F13B: variants seen among roughly 807,000 people sequenced by gnomAD.
The protein encoded by F13B is TGase.
In F13B, 58 loss-of-function variants were observed where a neutral mutation model predicts 79.8. The observed-to-expected ratio is 0.73, with a 90% CI of 0.59 to 0.90. The LOEUF is 0.90. Ranked by LOEUF, F13B falls within the 40% of genes least tolerant of loss-of-function variation. The pLI is 0.00. For synonymous variants in F13B, 283 were observed against 260.3 expected (o/e 1.09, Z -0.84); for missense variants, 773 against 777.0 (o/e 0.99, Z 0.06).
At chr1:197,064,477 A>G (rs1170505943) in intron 1 of F13B, among the ~76,000 whole-genome samples, 1 of 152,218 alleles carries the variant, frequency 6.6e-6, no homozygotes, top group African/African-American at 2.4e-5. Flanking sequence ...GGTGAATCTC[A>G]TAAACATAAT....
intron 10 of F13B, among the ~76,000 whole-genome samples, chr1:197,050,338 C>A (rs557399800): frequency 6.6e-6 from 1 of 152,100 alleles, no homozygotes; most frequent in East Asian, 1.9e-4. Flanking sequence ...TTGTCCATTT[C>A]TTTATTTCCG....
At chr1:197,062,458 T>C (rs955564862) in intron 2 of F13B, among the ~76,000 whole-genome samples, 1 of 152,122 alleles carries the variant, frequency 6.6e-6, no homozygotes, top group African/African-American at 2.4e-5. Flanking sequence ...GAGAGATGAG[T>C]CTTACAAATG....
intron 10 of F13B, among the ~76,000 whole-genome samples, chr1:197,049,744 C>G: frequency 6.6e-6 from 1 of 151,954 alleles, no homozygotes; most frequent in East Asian, 1.9e-4. Context: ...AGGAAAATAA[C>G]CAACCAGTCT....
At chr1:197,057,495 G>C in intron 5 of F13B, 30 bp from the exon 6 acceptor site, 1 of 1,601,310 alleles carries the variant, frequency 6.2e-7, no homozygotes, top group South Asian at 1.1e-5. Context: ...AGCACCTTTA[G>C]TCATATAATT....
chr1:197,043,150 G>A (rs1655103785), intron 10 of F13B, among the ~76,000 whole-genome samples: 1 of 152,128 alleles, frequency 6.6e-6, no homozygotes, highest in Non-Finnish European at 1.5e-5. Flanking sequence ...AAAAGTTACA[G>A]TGGGCATTTG....
intron 9 of F13B, 129 bp from the exon 10 acceptor site, chr1:197,051,008 T>A (rs1347152620): frequency 1.4e-6 from 1 of 736,890 alleles, no homozygotes; most frequent in African/African-American, 1.7e-5. Context: ...CATGACTCAC[T>A]GCAACCTCTG....
chr1:197,053,093 G>T (rs1655509309), intron 8 of F13B, among the ~76,000 whole-genome samples: 1 of 151,898 alleles, frequency 6.6e-6, no homozygotes, highest in South Asian at 2.1e-4. Context: ...CAATCAGTTA[G>T]ATTAATAATA....
chr1:197,050,784 A>G lies in F13B; in HGVS notation c.1651T>C (p.Tyr551His). 1.2e-6 allele frequency: 2 copies of G among 1,613,446 alleles called. No homozygotes were observed. The highest frequency in any genetic ancestry group is 1.7e-6 in the Non-Finnish European group (2 of 1,179,630). ...AGGAAATGGTGATCAAAACATCTGT[A>G]TTCTACTGAAGAGCCATTTTCATAG... is the stretch of plus-strand genomic sequence containing the variant. ...DTYENGSSVE[Y>H]RCFDHHFLEG... is the part of the protein sequence containing the mutation. The change falls in exon 10 of 12, where the codon TAC (tyrosine) becomes CAC (histidine). Residue 551 changes from tyrosine (Y) to histidine (H), a missense_variant. Physicochemically the swap from Tyr to His is moderately conservative, Grantham distance 83 (BLOSUM62 2). Coordinates refer to ENST00000367412, the MANE Select transcript of F13B (RefSeq NM_001994.3).
intron 9 of F13B, among the ~76,000 whole-genome samples, chr1:197,051,457 C>G (rs541549944): frequency 6.6e-6 from 1 of 152,092 alleles, no homozygotes; most frequent in East Asian, 1.9e-4. Flanking sequence ...AAGTAATAGT[C>G]CCTATAGCCA....
chr1:197,062,719 G>A (rs1040793776), intron 2 of F13B, 138 bp downstream of exon 2: 2 of 782,786 alleles, frequency 2.6e-6, no homozygotes, highest in Non-Finnish European at 4.4e-6. Flanking sequence ...CCTTCATTTT[G>A]TAGAAAGACA....
intron 10 of F13B, among the ~76,000 whole-genome samples, chr1:197,041,551 T>A (rs558078764): frequency 6.6e-6 from 1 of 152,186 alleles, no homozygotes; most frequent in Non-Finnish European, 1.5e-5. Context: ...CCAGAGTTGC[T>A]AATATGGCAT....
chr1:197,045,856 C>G (rs573655245), intron 10 of F13B, among the ~76,000 whole-genome samples: 57 of 152,304 alleles, frequency 3.7e-4, no homozygotes, highest in African/African-American at 1.3e-3. Flanking sequence ...AATGCTGGTT[C>G]AACATACACA....
chr1:197,047,260 A>T (rs1288633860), intron 10 of F13B, among the ~76,000 whole-genome samples: 2 of 152,208 alleles, frequency 1.3e-5, no homozygotes, highest in Non-Finnish European at 2.9e-5. Flanking sequence ...CAATCTATCC[A>T]TCTGACAAAG....
Position 197,055,732 on chromosome 1 carries a change from G to T in F13B, c.1337C>A (p.Ser446Tyr), listed in dbSNP as rs1318380941. The T allele has an allele frequency of 1.9e-6, 3 of 1,613,436 alleles. No individual in the cohort carries two copies. Among genetic ancestry groups the T allele is most frequent in the Non-Finnish European group, 2.5e-6 (3 of 1,179,630 alleles). Residue 446 changes from serine (S) to tyrosine (Y), a missense_variant, in exon 8 of 12, where the codon TCC becomes TAC. Transcript: ENST00000367412. ...TTTCTTACCCAAGCAAACAGGTGGGGATGACCATTTTCCTTGTTCGCAACG... is the reference window on the plus strand; with the variant it reads ...TTTCTTACCCAAGCAAACAGGTGGGTATGACCATTTTCCTTGTTCGCAACG... ...ISRCEQGKWS[S>Y]PPVCLEPCTV...
At chr1:197,042,966 A>G (rs1240736561) in intron 10 of F13B, among the ~76,000 whole-genome samples, 1 of 151,854 alleles carries the variant, frequency 6.6e-6, no homozygotes, top group African/African-American at 2.4e-5. Context: ...TTGAAGATAG[A>G]AAAATGAGAA....
Position 197,060,439 on chromosome 1 carries a change from A to G in F13B, c.732T>C (p.Asn244=), listed in dbSNP as rs35313992. The change falls in exon 5 of 12, where the codon AAT becomes AAC. Residue 244 remains asparagine, a synonymous_variant. Transcript: ENST00000367412. ...TTAAATCAGATCCACTTAGATAATA[A>G]TTTTCATGACAGAAAAACTGAACGA... ...GDVVQFFCHE[N]YYLSGSDLIQ... is the part of the protein sequence containing the mutation. 21 of 1,611,702 alleles carry G rather than the reference A, an allele frequency of 1.3e-5. No homozygotes were observed. The African/African-American group carries it at 2.7e-4, about 20-fold the overall frequency.
intron 8 of F13B, among the ~76,000 whole-genome samples, chr1:197,054,627 G>T (rs181277114): frequency 1.4e-3 from 212 of 151,706 alleles, no homozygotes; most frequent in African/African-American, 5.0e-3. Flanking sequence ...GCTAAACTAT[G>T]AATAATTAAT....
intron 10 of F13B, among the ~76,000 whole-genome samples, chr1:197,047,305 G>T (rs1053984709): frequency 1.6e-4 from 25 of 152,056 alleles, no homozygotes; most frequent in African/African-American, 6.0e-4. Flanking sequence ...AGCTTAAAAA[G>T]TTTACGAGAA....
chr1:197,040,753 A>C lies in F13B; in HGVS notation c.1739-18T>G. ...GCATGGCTCTGGGAACAACAATTTA[A>C]AAAAAAAGAAAGAAAAAGAAGAAAA... On this transcript the variant is annotated intron_variant, in intron 10 of 11. Transcript: ENST00000367412. 1 of 1,570,586 alleles carries C rather than the reference A, an allele frequency of 6.4e-7. No homozygotes were observed. The highest frequency in any genetic ancestry group is 1.1e-5 in the South Asian group (1 of 87,374).
Sources: allele counts gnomAD v4.1 joint callset (sites outside exome capture counted in the v4.1 genomes callset), GRCh38; gene constraint gnomAD v4.1.1; transcripts MANE v1.5; gene names NCBI Gene and HGNC (gene_info 2026-07-23, HGNC 2026-07-21).